Variants in CACNA2D1 observed in about 807,000 individuals in gnomAD.
CACNA2D1 encodes the protein voltage-dependent calcium channel subunit alpha-2/delta-1.
Under a neutral mutation model 171.5 loss-of-function variants are expected in CACNA2D1, and 53 were observed. The ratio of observed to expected loss-of-function variants is 0.31; its 90% CI spans 0.25 to 0.39. The LOEUF is 0.39. Among genes scored for constraint, CACNA2D1 ranks in the 10% least tolerant of loss-of-function variants. The pLI, the probability that CACNA2D1 is intolerant of heterozygous loss-of-function variation, is 1.00. For missense variants in CACNA2D1, 903 were observed against 1,299.8 expected (o/e 0.69, Z 4.69); for synonymous variants, 442 against 443.1 (o/e 1.00, Z 0.03).
At chr7:82,155,802 T>A (rs1477889630) in intron 4 of CACNA2D1, among the ~76,000 whole-genome samples, 1 of 152,076 alleles carries the variant, frequency 6.6e-6, no homozygotes, top group African/African-American at 2.4e-5. Flanking sequence ...GAAGAAAGAG[T>A]ATAAAAATTA....
chr7:82,263,237 T>C (rs1419805654), intron 3 of CACNA2D1, among the ~76,000 whole-genome samples: 1 of 150,746 alleles, frequency 6.6e-6, no homozygotes, highest in Non-Finnish European at 1.5e-5. Context: ...GCCTCCCAAG[T>C]AGCTGGGATT....
intron 18 of CACNA2D1, among the ~76,000 whole-genome samples, chr7:82,001,196 G>C (rs1266631300): frequency 6.6e-6 from 1 of 152,048 alleles, no homozygotes; most frequent in Non-Finnish European, 1.5e-5. Flanking sequence ...TTTTTAATTA[G>C]CTAAGGGAAA....
At chr7:82,306,272 A>C (rs534261196) in intron 3 of CACNA2D1, among the ~76,000 whole-genome samples, 1 of 152,294 alleles carries the variant, frequency 6.6e-6, no homozygotes, top group East Asian at 1.9e-4. Context: ...AGCGTGAAAG[A>C]AGTGAGAACC....
chr7:82,065,198 C>A (rs1219481768), intron 8 of CACNA2D1, among the ~76,000 whole-genome samples: 3 of 152,158 alleles, frequency 2.0e-5, no homozygotes, highest in African/African-American at 7.2e-5. Context: ...AGTTTTCAGA[C>A]AACATACAGC....
At chr7:82,406,480 A>T (rs1474566665) in intron 1 of CACNA2D1, among the ~76,000 whole-genome samples, 1 of 152,198 alleles carries the variant, frequency 6.6e-6, no homozygotes, top group Non-Finnish European at 1.5e-5. Context: ...TGTCTTCCAC[A>T]ATGGTTGAAC....
At chr7:82,409,245 G>A (rs2129454205) in intron 1 of CACNA2D1, among the ~76,000 whole-genome samples, 1 of 152,226 alleles carries the variant, frequency 6.6e-6, no homozygotes. Flanking sequence ...ATCAGATACT[G>A]AAAGTCTTGT....
rs151143614 is a variant in CACNA2D1 at position 82,328,852 on chromosome 7, T to C, written c.294+6283A>G. The stretch of plus-strand genomic sequence containing the variant: ...CACTACAGTCTTTATTCTGTTCCAG[T>C]ATATTCTATTGAATCTATTCTCACA... On this transcript the variant is annotated intron_variant, in intron 3 of 38. Transcript: ENST00000356860. Among the ~76,000 whole-genome samples the C allele has an allele frequency of 6.9e-3, 1,047 of 152,314 alleles. 5 individuals are homozygous for C. The highest frequency in any genetic ancestry group is 0.015 in the Admixed American group (229 of 15,292).
At chr7:82,355,292 A>G (rs1030181239) in intron 1 of CACNA2D1, among the ~76,000 whole-genome samples, 5 of 152,170 alleles carry the variant, frequency 3.3e-5, no homozygotes, top group Non-Finnish European at 7.4e-5. Flanking sequence ...ACTCATGTAT[A>G]TCTGGTTGTA....
rs187746150 is a variant in CACNA2D1 at position 82,157,789 on chromosome 7, G to A, written c.354+12761C>T. ...CTACCCTCTCCTGAGTGTAACTAAT[G>A]CTCTTTGTTTCAAAACCCAAAATGC... On this transcript the variant is annotated intron_variant, in intron 4 of 38. Coordinates refer to ENST00000356860, the MANE Select transcript of CACNA2D1 (RefSeq NM_000722.4). Among the ~76,000 whole-genome samples, 16 of 152,024 alleles carry A rather than the reference G, an allele frequency of 1.1e-4. No homozygotes were observed. The East Asian group carries it at 3.1e-3, about 29-fold the overall frequency.
Position 81,950,506 on chromosome 7 carries a change from C to T in CACNA2D1, c.3162G>A (p.Glu1054=). 1 of 1,608,222 alleles carries T rather than the reference C, an allele frequency of 6.2e-7. No homozygotes were observed. Among genetic ancestry groups the T allele is most frequent in the Non-Finnish European group, 8.5e-7 (1 of 1,177,968 alleles). ...AAACACCACCACAGTCAGTATAATC[C>T]TCCTGTTGTTAAAAAAAAAAGAAAA... ...PDVCFDNNVL[E]DYTDCGGVSG... is the part of the protein sequence containing the mutation. The change falls in exon 39 of 39, where the codon GAG becomes GAA. Residue 1054 remains glutamate, a splice_region_variant and synonymous_variant. Transcript: ENST00000356860.
chr7:82,060,895 C>A (rs1212393736), intron 9 of CACNA2D1, among the ~76,000 whole-genome samples: 1 of 152,086 alleles, frequency 6.6e-6, no homozygotes, highest in Admixed American at 6.6e-5. Context: ...CTCCAGGGAA[C>A]CCATTGTTTG....
chr7:82,230,821 C>CT (rs11399418), intron 3 of CACNA2D1, among the ~76,000 whole-genome samples: 5,002 of 152,152 alleles, frequency 0.033, 255 homozygotes, highest in African/African-American at 0.11. Context: ...GAAAAGCATC[C>CT]TTGGCTTTCT....
At chr7:82,402,666 A>C (rs1362954588) in intron 1 of CACNA2D1, among the ~76,000 whole-genome samples, 1 of 144,462 alleles carries the variant, frequency 6.9e-6, no homozygotes, top group African/African-American at 2.6e-5. Flanking sequence ...AGCCCAGATC[A>C]CTGCACTTCA....
At position 82,350,347 on chromosome 7, in the gene CACNA2D1, A is replaced by G. The variant is rs575909041; in HGVS notation, c.96-698T>C. On this transcript the variant is annotated intron_variant, in intron 1 of 38. Coordinates refer to ENST00000356860, the MANE Select transcript of CACNA2D1 (RefSeq NM_000722.4). ...CACTACATACTACACCACCACAAAT[A>G]TCTTAGAGCCTGAAGCTTAAGAATA... Among the ~76,000 whole-genome samples, 16 of 152,288 alleles carry G rather than the reference A, an allele frequency of 1.1e-4. No individual in the cohort carries two copies. In the South Asian group the frequency reaches 3.3e-3, roughly 32 times the overall value.
intron 19 of CACNA2D1, among the ~76,000 whole-genome samples, chr7:81,995,420 A>G (rs916264670): frequency 1.3e-5 from 2 of 152,198 alleles, no homozygotes; most frequent in African/African-American, 4.8e-5. Context: ...ATCTAAATAA[A>G]GGACAGAGAA....
intron 3 of CACNA2D1, among the ~76,000 whole-genome samples, chr7:82,296,123 G>T (rs1203933515): frequency 2.6e-5 from 4 of 151,776 alleles, no homozygotes; most frequent in South Asian, 2.1e-4. Flanking sequence ...GTGGGGGAAG[G>T]GGGGAGGGAT....
chr7:81,978,801 CAT>C lies in CACNA2D1; in HGVS notation c.1955+3764_1955+3765del, dbSNP rs3083237. Among the ~76,000 whole-genome samples, 440 of 141,564 alleles carry C rather than the reference CAT, an allele frequency of 3.1e-3. 4 individuals carry two copies. The highest frequency in any genetic ancestry group is 8.0e-3 in the African/African-American group (307 of 38,266). 92.9% of individuals were successfully genotyped at this position (141,564 alleles called of 152,430 possible). On this transcript the variant is annotated intron_variant, in intron 24 of 38. Transcript: ENST00000356860. Reference sequence around the variant, plus strand: ...CACACACACACTGTTCAAAACAGCACATATATATATATATATATATTTATTTA... The same window carrying C: ...CACACACACACTGTTCAAAACAGCACATATATATATATATATATTTATTTA...
intron 3 of CACNA2D1, among the ~76,000 whole-genome samples, chr7:82,302,008 C>A (rs1046297626): frequency 6.6e-6 from 1 of 152,130 alleles, no homozygotes; most frequent in Non-Finnish European, 1.5e-5. Flanking sequence ...AATTCACCCA[C>A]CTCAGCCTCC....
intron 9 of CACNA2D1, among the ~76,000 whole-genome samples, chr7:82,060,788 T>TA (rs997728206): frequency 6.0e-5 from 9 of 151,008 alleles, no homozygotes; most frequent in Middle Eastern, 3.4e-3. Flanking sequence ...AAGTGACAAT[T>TA]AAAAAAAAAT....
Sources: gnomAD v4.1 joint callset for allele counts (sites outside exome capture counted in the v4.1 genomes callset) on GRCh38, gnomAD v4.1.1 for gene constraint, MANE v1.5 for transcripts, NCBI Gene and HGNC (gene_info 2026-07-23, HGNC 2026-07-21) for gene names.